The following GPHN variants were observed in gnomAD, a reference collection of about 807,000 sequenced individuals.
GPHN encodes gephyrin.
GPHN carries 17 observed loss-of-function variants against 95.5 expected under a neutral mutation model. That is an observed-to-expected ratio of 0.18 (90% confidence interval 0.12 to 0.27). The LOEUF is 0.27. Ranked by LOEUF, GPHN falls within the 10% of genes least tolerant of loss-of-function variation. The probability of loss-of-function intolerance (pLI) is 1.00; values close to 1 mark genes in which losing one functional copy is unlikely to be tolerated. For synonymous variants in GPHN, 320 were observed against 322.5 expected (o/e 0.99, Z 0.08); for missense variants, 660 against 978.1 (o/e 0.67, Z 4.34).
intron 3 of GPHN, among the ~76,000 whole-genome samples, chr14:66,790,302 G>A (rs1384285232): frequency 6.6e-6 from 1 of 152,068 alleles, no homozygotes; most frequent in African/African-American, 2.4e-5. Flanking sequence ...TCAACAAATG[G>A]CAAAGGTTAC....
At chr14:66,589,696 C>T (rs1225495631) in intron 1 of GPHN, among the ~76,000 whole-genome samples, 1 of 152,038 alleles carries the variant, frequency 6.6e-6, no homozygotes, top group Non-Finnish European at 1.5e-5. Flanking sequence ...TCTTAGAGAC[C>T]TACAAAGAGA....
chr14:66,876,403 G>A (rs933678024), intron 4 of GPHN, among the ~76,000 whole-genome samples: 1 of 151,982 alleles, frequency 6.6e-6, no homozygotes, highest in East Asian at 1.9e-4. Context: ...TAAAATCAGA[G>A]TAAAACTGAA....
the GPHN span, among the ~76,000 whole-genome samples, chr14:67,673,722 T>C: frequency 6.6e-6 from 1 of 152,228 alleles, no homozygotes. Flanking sequence ...AAATTCTATA[T>C]ATCCGGAGGC....
the GPHN span, chr14:67,589,948 C>T: frequency 1.5e-6 from 2 of 1,348,296 alleles, no homozygotes; most frequent in Admixed American, 6.7e-5. Context: ...CTCTATGGCT[C>T]TAAGATGCAC....
intron 21 of GPHN, among the ~76,000 whole-genome samples, chr14:67,176,308 G>C (rs935533808): frequency 3.9e-5 from 6 of 152,122 alleles, no homozygotes; most frequent in Admixed American, 2.6e-4. Flanking sequence ...TTTTGTCGAA[G>C]GCCTTTTCTG....
chr14:66,909,708 G>C (rs1321542650), intron 5 of GPHN, among the ~76,000 whole-genome samples: 2 of 151,856 alleles, frequency 1.3e-5, no homozygotes, highest in African/African-American at 4.8e-5. Flanking sequence ...GATATTGTTA[G>C]TATTCTCTTT....
the GPHN span, among the ~76,000 whole-genome samples, chr14:67,192,903 GATAT>G: frequency 7.2e-6 from 1 of 138,376 alleles, no homozygotes; most frequent in African/African-American, 2.6e-5. Context: ...TCGATATCTA[GATAT>G]ATATAGATAT....
intron 11 of GPHN, among the ~76,000 whole-genome samples, chr14:67,081,707 T>A (rs2076705322): frequency 6.6e-6 from 1 of 152,224 alleles, no homozygotes. Flanking sequence ...TCTGATGTTA[T>A]CTTCTAGAAT....
intron 3 of GPHN, among the ~76,000 whole-genome samples, chr14:66,780,533 T>C (rs1287504854): frequency 6.6e-6 from 1 of 151,996 alleles, no homozygotes; most frequent in Non-Finnish European, 1.5e-5. Flanking sequence ...TTTTTTTTTT[T>C]CATTGTGTGT....
At chr14:66,701,771 A>G (rs1468847690) in intron 2 of GPHN, among the ~76,000 whole-genome samples, 1 of 152,134 alleles carries the variant, frequency 6.6e-6, no homozygotes, top group African/African-American at 2.4e-5. Flanking sequence ...AAGCCTACCA[A>G]GCTCCTGGGG....
intron 10 of GPHN, among the ~76,000 whole-genome samples, chr14:67,033,171 C>A (rs1209276504): frequency 6.6e-6 from 1 of 151,940 alleles, no homozygotes; most frequent in Non-Finnish European, 1.5e-5. Context: ...AATTACTTGA[C>A]CAATCAGAAG....
chr14:66,949,291 G>A (rs988147963), intron 8 of GPHN, among the ~76,000 whole-genome samples: 2 of 152,084 alleles, frequency 1.3e-5, no homozygotes, highest in African/African-American at 2.4e-5. Flanking sequence ...CACCATGTTA[G>A]CCAGGCTGGT....
the GPHN span, chr14:67,332,885 C>G: frequency 6.2e-7 from 1 of 1,614,062 alleles, no homozygotes; most frequent in Non-Finnish European, 8.5e-7. Flanking sequence ...TAAAGCCTAT[C>G]AGGAATTGCT....
At chr14:67,025,921 C>T (rs964041937) in intron 10 of GPHN, among the ~76,000 whole-genome samples, 2 of 152,180 alleles carry the variant, frequency 1.3e-5, no homozygotes, top group Admixed American at 1.3e-4. Context: ...CAAATGATTA[C>T]ATCAGGATCT....
chr14:67,329,562 C>G, the GPHN span, among the ~76,000 whole-genome samples: 8 of 152,268 alleles, frequency 5.3e-5, no homozygotes, highest in East Asian at 1.5e-3. Context: ...CGCCAGTTTT[C>G]AAAGGGAATG....
chr14:67,427,488 T>C, the GPHN span, among the ~76,000 whole-genome samples: 2 of 152,142 alleles, frequency 1.3e-5, no homozygotes, highest in African/African-American at 4.8e-5. Context: ...CTTCCGTCGT[T>C]GTTCTCTGGA....
intron 2 of GPHN, chr14:66,760,561 A>G (rs2153452571): frequency 3.0e-6 from 1 of 335,136 alleles, no homozygotes. Context: ...ATTTCTGTTC[A>G]GGGCCCATCT....
At chr14:66,658,633 T>C (rs1266751027) in intron 1 of GPHN, among the ~76,000 whole-genome samples, 1 of 152,130 alleles carries the variant, frequency 6.6e-6, no homozygotes, top group African/African-American at 2.4e-5. Context: ...CATTAGCATT[T>C]TTTGCAATAA....
At chr14:67,613,675 A>T in the GPHN span, 1 of 219,506 alleles carries the variant, frequency 4.6e-6, no homozygotes, top group African/African-American at 2.3e-5. Context: ...AAGTGTGCAC[A>T]TGTGTTACCC....
Sources: gnomAD v4.1 joint callset for allele counts (sites outside exome capture counted in the v4.1 genomes callset) on GRCh38, gnomAD v4.1.1 for gene constraint, MANE v1.5 for transcripts, NCBI Gene and HGNC (gene_info 2026-07-23, HGNC 2026-07-21) for gene names.